The following WDFY3 variants were observed in gnomAD, a reference collection of about 807,000 sequenced individuals.
The protein encoded by WDFY3 is WD repeat and FYVE domain-containing protein 3.
Under a neutral mutation model 409.6 loss-of-function variants are expected in WDFY3, and 66 were observed. The ratio of observed to expected loss-of-function variants is 0.16; its 90% CI spans 0.13 to 0.20. The LOEUF is 0.20. Ranked by LOEUF, WDFY3 falls within the 10% of genes least tolerant of loss-of-function variation. WDFY3 has a pLI of 1.00. For synonymous variants in WDFY3, 1,521 were observed against 1,537.1 expected, an observed-to-expected ratio of 0.99 and a Z score of 0.25; for missense variants, 3,031 against 4,298.1, an observed-to-expected ratio of 0.71 and a Z score of 8.24.
chr4:84,726,944 G>A, intron 44 of WDFY3, 33 bp from the exon 45 acceptor site: 8 of 1,503,440 alleles, frequency 5.3e-6, no homozygotes, highest in East Asian at 2.4e-5. Context: ...AGACATATCA[G>A]AAAAAAAAAC....
chr4:84,929,472 C>G (rs527896724), intron 2 of WDFY3, among the ~76,000 whole-genome samples: 12 of 150,678 alleles, frequency 8.0e-5, no homozygotes, highest in African/African-American at 2.7e-4. Context: ...GAATTGCGCC[C>G]CCCCCCCCAA....
chr4:84,783,061 G>A lies in WDFY3; in HGVS notation c.4076C>T (p.Ser1359Leu), dbSNP rs748925561. Residue 1359 changes from serine to leucine, a missense_variant, in exon 25 of 68, where the codon TCA (serine) becomes TTA (leucine). Physicochemically the swap from Ser to Leu is moderately radical, Grantham distance 145 (BLOSUM62 -2). Transcript: ENST00000295888. ...KAIAKQLGIS[S>L]HENATPVKLI... Reference sequence around the variant, plus strand: ...CTTCACAGGAGTGGCATTCTCATGTGAGGAAATGCCTAACTGAAAAATAGG... The same window carrying A: ...CTTCACAGGAGTGGCATTCTCATGTAAGGAAATGCCTAACTGAAAAATAGG... The A allele has an allele frequency of 9.3e-6, 15 of 1,613,754 alleles. No homozygotes were observed. The highest frequency in any genetic ancestry group is 3.3e-5 in the South Asian group (3 of 91,038).
At chr4:84,729,161 T>C (rs1312253397) in intron 44 of WDFY3, among the ~76,000 whole-genome samples, 1 of 152,064 alleles carries the variant, frequency 6.6e-6, no homozygotes, top group Non-Finnish European at 1.5e-5. Context: ...ATAGTAAATG[T>C]GTTTGAGATT....
At chr4:84,883,577 AT>A (rs1763821629) in intron 3 of WDFY3, among the ~76,000 whole-genome samples, 1 of 152,142 alleles carries the variant, frequency 6.6e-6, no homozygotes, top group Non-Finnish European at 1.5e-5. Context: ...ATAAGACCTA[AT>A]TCATATTATT....
chr4:84,692,766 G>A (rs1442695438), intron 59 of WDFY3, 119 bp downstream of exon 59: 1 of 940,232 alleles, frequency 1.1e-6, no homozygotes, highest in Non-Finnish European at 1.5e-6. Context: ...AACACAAAAT[G>A]TATGGCACTT....
intron 1 of WDFY3, among the ~76,000 whole-genome samples, chr4:84,933,488 C>G (rs1771025660): frequency 6.6e-6 from 1 of 152,022 alleles, no homozygotes; most frequent in African/African-American, 2.4e-5. Context: ...ATAATCACAT[C>G]AGGGTAAATG....
chr4:84,809,092 T>C (rs1251416549), intron 14 of WDFY3: 3 of 152,170 alleles, frequency 2.0e-5, no homozygotes, highest in African/African-American at 7.2e-5. Context: ...GCAATAACAC[T>C]TGGGGCATAA....
chr4:84,735,379 G>A (rs1737268866), intron 42 of WDFY3, among the ~76,000 whole-genome samples: 1 of 152,148 alleles, frequency 6.6e-6, no homozygotes, highest in Non-Finnish European at 1.5e-5. Flanking sequence ...CCTCAGGGAT[G>A]GCCTTAGCTG....
chr4:84,772,950 G>A, intron 29 of WDFY3, 21 bp from the exon 30 acceptor site: 3 of 1,545,988 alleles, frequency 1.9e-6, no homozygotes, highest in Non-Finnish European at 2.6e-6. Context: ...AGGAAAACAA[G>A]ATTATGGATT....
chr4:84,960,393 T>A (rs903784208), intron 1 of WDFY3, among the ~76,000 whole-genome samples: 12 of 152,172 alleles, frequency 7.9e-5, no homozygotes, highest in Admixed American at 7.9e-4. Flanking sequence ...ACGTATGTGA[T>A]ACCCTATTCA....
chr4:84,959,024 C>A (rs1408844506), intron 1 of WDFY3, among the ~76,000 whole-genome samples: 1 of 152,146 alleles, frequency 6.6e-6, no homozygotes. Flanking sequence ...TAATAATTGA[C>A]AATTATTGAC....
chr4:84,915,399 T>C (rs980874987), intron 2 of WDFY3, among the ~76,000 whole-genome samples: 1 of 152,196 alleles, frequency 6.6e-6, no homozygotes, highest in Non-Finnish European at 1.5e-5. Context: ...CAGAATTTAA[T>C]TTGATCTAAA....
Position 84,672,796 on chromosome 4 carries a change from G to A in WDFY3, c.*72C>T, listed in dbSNP as rs1469525945. On this transcript the variant is annotated 3_prime_UTR_variant, in exon 68 of 68. Coordinates refer to ENST00000295888, the MANE Select transcript of WDFY3 (RefSeq NM_014991.6). ...TGTGTAAACGGAGACTGTTTTCAAT[G>A]CCTTCCAAGCTGGGACAGGAGAATC... The A allele has an allele frequency of 6.3e-7, 1 of 1,579,028 alleles. No individual in the cohort carries two copies. The highest frequency in any genetic ancestry group is 8.6e-7 in the Non-Finnish European group (1 of 1,164,408).
Position 84,820,168 on chromosome 4 carries a change from C to T in WDFY3, c.1610G>A (p.Ser537Asn), listed in dbSNP as rs1283940786. Residue 537 changes from serine to asparagine, a missense_variant, in exon 12 of 68, where the codon AGT (serine) becomes AAT (asparagine). Coordinates refer to ENST00000295888, the MANE Select transcript of WDFY3 (RefSeq NM_014991.6). ...LNEQGDSRNNSSVEDQKHLAL... is the reference protein window; with the variant it reads ...LNEQGDSRNNNSVEDQKHLAL... ...CAGGTGTTTTTGGTCTTCAACTGAA[C>T]TATTATTTCTTGAGTCCCCTAAAAA... The T allele has an allele frequency of 1.9e-6, 3 of 1,608,816 alleles. No homozygotes were observed. The highest frequency in any genetic ancestry group is 1.7e-5 in the Admixed American group (1 of 59,436).
chr4:84,937,145 A>G (rs1771524753), intron 1 of WDFY3, among the ~76,000 whole-genome samples: 1 of 152,152 alleles, frequency 6.6e-6, no homozygotes, highest in Admixed American at 6.6e-5. Context: ...ACACACTCCA[A>G]TTAGACTTTT....
rs2149897492 is a variant in WDFY3, at chr4:84,828,991, T to G, written c.956+13A>C. 6.4e-7 allele frequency: 1 copy of G among 1,568,808 alleles called. No individual in the cohort carries two copies. The highest frequency in any genetic ancestry group is 1.2e-5 in the South Asian group (1 of 83,580). On this transcript the variant is annotated intron_variant, in intron 9 of 67. Coordinates refer to ENST00000295888, the MANE Select transcript of WDFY3 (RefSeq NM_014991.6). Reference sequence around the variant, plus strand: ...AGACATTTAAAATACATTCTTAAATTGAGCAGTCTTACCTAAGCAAGAGAT... The same window carrying G: ...AGACATTTAAAATACATTCTTAAATGGAGCAGTCTTACCTAAGCAAGAGAT...
Position 84,794,686 on chromosome 4 carries a change from C to A in WDFY3, c.3320G>T (p.Cys1107Phe), listed in dbSNP as rs1348685800. The A allele has an allele frequency of 6.2e-7, 1 of 1,613,460 alleles. No individual in the cohort carries two copies. The highest frequency in any genetic ancestry group is 1.1e-5 in the South Asian group (1 of 91,052). The change falls in exon 21 of 68, where the codon TGT becomes TTT. Residue 1107 changes from cysteine (C) to phenylalanine (F), a missense_variant. Transcript: ENST00000295888. ...TGGAGGAGAACTAAAATGTTCAATA[C>A]AAAACCAGCTAGAGTAACTTAAGCC... ...PSGLSYSSWF[C>F]IEHFSSPPNN...
chr4:84,755,134 CA>C, intron 34 of WDFY3, 131 bp downstream of exon 34: 1 of 1,326,440 alleles, frequency 7.5e-7, no homozygotes, highest in Non-Finnish European at 1.0e-6. Context: ...TTTTGTCTAA[CA>C]TAAGAGTCTG....
intron 1 of WDFY3, among the ~76,000 whole-genome samples, chr4:84,953,591 T>G (rs1773883688): frequency 6.6e-6 from 1 of 152,102 alleles, no homozygotes; most frequent in African/African-American, 2.4e-5. Flanking sequence ...GCTAGGGAAG[T>G]CATACTTAGT....
Sources: allele counts gnomAD v4.1 joint callset (sites outside exome capture counted in the v4.1 genomes callset), GRCh38; gene constraint gnomAD v4.1.1; transcripts MANE v1.5; gene names NCBI Gene and HGNC (gene_info 2026-07-23, HGNC 2026-07-21).